The following PLEKHA5 variants were observed in gnomAD, a reference collection of about 807,000 sequenced individuals.
PLEKHA5 encodes the protein pleckstrin homology domain containing A5.
Under a neutral mutation model 181.9 loss-of-function variants are expected in PLEKHA5, and 55 were observed. The ratio of observed to expected loss-of-function variants is 0.30; its 90% CI spans 0.24 to 0.38. PLEKHA5 has a LOEUF of 0.38. Ranked by LOEUF, PLEKHA5 falls within the 10% of genes least tolerant of loss-of-function variation. The pLI is 1.00. For missense variants in PLEKHA5, 1,432 were observed against 1,549.5 expected (o/e 0.92, Z 1.27); for synonymous variants, 535 against 529.4 (o/e 1.01, Z -0.15).
At chr12:19,255,201 G>C in intron 5 of PLEKHA5, 36 bp downstream of exon 5, 1 of 1,441,872 alleles carries the variant, frequency 6.9e-7, no homozygotes, top group East Asian at 2.3e-5. Context: ...TATTGATAAG[G>C]AGTAAACAGT....
Position 19,265,864 on chromosome 12 carries a change from G to T in PLEKHA5, c.711+14G>T, listed in dbSNP as rs772851402. On this transcript the variant is annotated intron_variant, in intron 8 of 31. Transcript: ENST00000429027. ...TATGCTTTTAAGGTAAGGAAATAAT[G>T]CAGTTTTTAATTCTGTGTTCAAAAC... 3 of 1,443,220 alleles carry T rather than the reference G, an allele frequency of 2.1e-6. No homozygotes were observed. Among genetic ancestry groups the T allele is most frequent in the Non-Finnish European group, 2.9e-6 (3 of 1,032,060 alleles). The allele number at this position is 1,443,220 out of a possible 1,614,324, so 89.4% of individuals were successfully genotyped here. A position where few individuals can be genotyped will look rare whatever the true frequency, so the allele number is the denominator to read the frequency against.
At chr12:19,273,150 C>T (rs1451220782) in intron 10 of PLEKHA5, among the ~76,000 whole-genome samples, 2 of 152,108 alleles carry the variant, frequency 1.3e-5, no homozygotes, top group African/African-American at 2.4e-5. Flanking sequence ...CTTAGGTGAT[C>T]CACCCACCCT....
At chr12:19,154,677 A>G (rs2041261427) in intron 3 of PLEKHA5, 1 of 152,198 alleles carries the variant, frequency 6.6e-6, no homozygotes, top group African/African-American at 2.4e-5. Context: ...ACTTGTTTGT[A>G]TTCATTGATG....
At chr12:19,336,466 A>G in intron 20 of PLEKHA5, 49 bp from the exon 21 acceptor site, 2 of 970,346 alleles carry the variant, frequency 2.1e-6, no homozygotes, top group Non-Finnish European at 3.3e-6. Context: ...TGATAACACC[A>G]TAAAAGCACA....
At chr12:19,343,279 A>T in intron 21 of PLEKHA5, 44 bp from the exon 22 acceptor site, 1 of 1,111,058 alleles carries the variant, frequency 9.0e-7, no homozygotes, top group East Asian at 2.4e-5. Flanking sequence ...ACTTCAGTGA[A>T]TGATTTTTTT....
intron 21 of PLEKHA5, 109 bp downstream of exon 21, chr12:19,336,725 A>T (rs931857373): frequency 3.2e-6 from 2 of 620,346 alleles, no homozygotes; most frequent in East Asian, 3.0e-5. Context: ...ATTATTGGCT[A>T]CCTGAGACCT....
chr12:19,188,582 A>G (rs944531163), intron 3 of PLEKHA5, among the ~76,000 whole-genome samples: 2 of 152,308 alleles, frequency 1.3e-5, no homozygotes, highest in East Asian at 1.9e-4. Flanking sequence ...GCTTCTGGCA[A>G]TGGCCAACTT....
chr12:19,367,467 C>G (rs1368583466), intron 30 of PLEKHA5, among the ~76,000 whole-genome samples: 1 of 151,300 alleles, frequency 6.6e-6, no homozygotes, highest in Non-Finnish European at 1.5e-5. Flanking sequence ...GTTGGCCAGG[C>G]TGGTCTTGAA....
intron 21 of PLEKHA5, among the ~76,000 whole-genome samples, chr12:19,337,623 GT>G (rs539404970): frequency 1.1e-3 from 164 of 151,040 alleles, no homozygotes; most frequent in African/African-American, 3.4e-3. Context: ...GATAATACAT[GT>G]TTAAGAAAAT....
chr12:19,321,390 G>T (rs571543232), intron 18 of PLEKHA5, among the ~76,000 whole-genome samples: 3 of 114,096 alleles, frequency 2.6e-5, no homozygotes, highest in Admixed American at 1.2e-4. Flanking sequence ...TTGAGTCAGG[G>T]TCTCTCTCTG....
chr12:19,318,590 G>A (rs1355141383), intron 16 of PLEKHA5, among the ~76,000 whole-genome samples: 1 of 152,124 alleles, frequency 6.6e-6, no homozygotes, highest in Admixed American at 6.6e-5. Context: ...TTCAGATTCT[G>A]TAATCTAGTA....
At chr12:19,157,646 A>G (rs978001055) in intron 3 of PLEKHA5, among the ~76,000 whole-genome samples, 9 of 152,160 alleles carry the variant, frequency 5.9e-5, no homozygotes, top group Non-Finnish European at 1.3e-4. Flanking sequence ...TGCATACACC[A>G]TACCAATCTA....
chr12:19,340,967 G>C (rs1450064891), intron 21 of PLEKHA5, among the ~76,000 whole-genome samples: 1 of 134,564 alleles, frequency 7.4e-6, no homozygotes, highest in South Asian at 2.5e-4. Context: ...AAAAAAGAAA[G>C]AAAAGAAAAA....
intron 15 of PLEKHA5, among the ~76,000 whole-genome samples, chr12:19,298,464 C>T (rs759837402): frequency 2.9e-4 from 40 of 139,924 alleles, no homozygotes; most frequent in African/African-American, 4.9e-4. Context: ...GGAAGATCTC[C>T]GTCTCTTGGT....
intron 3 of PLEKHA5, among the ~76,000 whole-genome samples, chr12:19,187,513 T>TC (rs2050135277): frequency 6.6e-6 from 1 of 152,160 alleles, no homozygotes; most frequent in African/African-American, 2.4e-5. Flanking sequence ...TGGCTTCAGT[T>TC]CGTCAGTCAT....
intron 3 of PLEKHA5, among the ~76,000 whole-genome samples, chr12:19,250,618 G>T (rs1204018403): frequency 1.3e-5 from 2 of 151,804 alleles, no homozygotes; most frequent in East Asian, 1.9e-4. Context: ...AAAAAATAAA[G>T]ACTTGAATTT....
intron 25 of PLEKHA5, among the ~76,000 whole-genome samples, chr12:19,349,317 T>C (rs2153214481): frequency 6.6e-6 from 1 of 152,246 alleles, no homozygotes; most frequent in Admixed American, 6.6e-5. Flanking sequence ...GGTCTTGCCG[T>C]GTTGCCTAAG....
chr12:19,291,751 A>G (rs2078513121), intron 15 of PLEKHA5, 54 bp downstream of exon 15: 2 of 938,318 alleles, frequency 2.1e-6, no homozygotes. Context: ...CTTCTTAAAT[A>G]TAATACAGTT....
chr12:19,343,868 C>T (rs567388091), intron 22 of PLEKHA5, among the ~76,000 whole-genome samples: 92 of 152,104 alleles, frequency 6.0e-4, no homozygotes, highest in African/African-American at 2.0e-3. Flanking sequence ...GCTTGGCCAA[C>T]GTGGTGAAAC....
Sources: allele counts gnomAD v4.1 joint callset (sites outside exome capture counted in the v4.1 genomes callset), GRCh38; gene constraint gnomAD v4.1.1; transcripts MANE v1.5; gene names NCBI Gene and HGNC (gene_info 2026-07-23, HGNC 2026-07-21).